POGZ: variants seen among roughly 807,000 people sequenced by gnomAD.
POGZ encodes the protein pogo transposable element derived with ZNF domain, also known as pogo transposable element with ZNF domain.
A neutral mutation model predicts 134.6 loss-of-function variants in POGZ; 17 were observed. The ratio of observed to expected loss-of-function variants is 0.13; its 90% CI spans 0.09 to 0.19. The LOEUF (loss-of-function observed/expected upper bound fraction) is 0.19. POGZ is among the 10% of genes least tolerant of loss of function. The pLI is 1.00. For missense variants in POGZ, 1,306 were observed against 1,769.7 expected (o/e 0.74, Z 4.70); for synonymous variants, 693 against 657.1 (o/e 1.05, Z -0.84).
intron 3 of POGZ, among the ~76,000 whole-genome samples, chr1:151,437,382 A>C (rs1013303591): frequency 6.6e-6 from 1 of 152,218 alleles, no homozygotes; most frequent in Middle Eastern, 3.4e-3. Flanking sequence ...TGAGACCACA[A>C]ATTTTTTTTT....
rs1657292033 is a variant in POGZ at position 151,423,537 on chromosome 1, A to G, written c.1538T>C (p.Met513Thr). Residue 513 changes from methionine to threonine, a missense_variant, in exon 10 of 19, where the codon ATG (methionine) becomes ACG (threonine). Physicochemically the swap from Met to Thr is moderately conservative, Grantham distance 81. Transcript: ENST00000271715. ...CTGATCGAGTTCTACGTGGTGTTTC[A>G]TATGGTTCATGAATCTGTAATAAAG... is the stretch of plus-strand genomic sequence containing the variant. ...LKNNIRFMNH[M>T]KHHVELDQQN... 1 of 1,613,212 alleles carries G rather than the reference A, an allele frequency of 6.2e-7. No homozygotes were observed. The highest frequency in any genetic ancestry group is 1.3e-5 in the African/African-American group (1 of 75,028).
chr1:151,415,373 T>C (rs77192160), intron 10 of POGZ, among the ~76,000 whole-genome samples: 2,723 of 152,140 alleles, frequency 0.018, 80 homozygotes, highest in African/African-American at 0.062. Context: ...GTTATAATAT[T>C]TGAAGAAATG....
At chr1:151,411,191 C>G (rs1477619192) in intron 12 of POGZ, among the ~76,000 whole-genome samples, 1 of 152,204 alleles carries the variant, frequency 6.6e-6, no homozygotes, top group Non-Finnish European at 1.5e-5. Context: ...TAACTTCCAA[C>G]CCCTCTGTCT....
chr1:151,411,166 T>C (rs1654598311), intron 12 of POGZ, among the ~76,000 whole-genome samples: 2 of 152,124 alleles, frequency 1.3e-5, no homozygotes, highest in African/African-American at 4.8e-5. Flanking sequence ...AGATCCTCCA[T>C]GATCTGTCCC....
chr1:151,437,523 G>A (rs1659825182), intron 3 of POGZ, among the ~76,000 whole-genome samples: 1 of 152,042 alleles, frequency 6.6e-6, no homozygotes, highest in Non-Finnish European at 1.5e-5. Context: ...AAGCCGTGGT[G>A]GGTGGATCAC....
rs187546892 is a variant in POGZ at position 151,406,320 on chromosome 1, G to C, written c.2715C>G (p.Ala905=). The change falls in exon 19 of 19, where the codon GCC becomes GCG. Residue 905 remains alanine, a synonymous_variant. Transcript: ENST00000271715. ...TTGAGGCTGGTGATGGGAGTGCTGG[G>C]GCTAAGGGAGTTAGTAGCTCTTCAG... is the stretch of plus-strand genomic sequence containing the variant. ...AEPEELLTPL[A]PALPSPASTA... is the part of the protein sequence containing the mutation. The C allele has an allele frequency of 1.9e-5, 30 of 1,609,236 alleles. No homozygotes were observed. Among genetic ancestry groups the C allele is most frequent in the Non-Finnish European group, 8.5e-7 (1 of 1,177,498 alleles).
chr1:151,423,578 C>T (rs1657301608), intron 9 of POGZ, 27 bp from the exon 10 acceptor site: 1 of 1,563,238 alleles, frequency 6.4e-7, no homozygotes, highest in Non-Finnish European at 8.7e-7. Flanking sequence ...AGAGAAAGTA[C>T]AGAAAACATA....
chr1:151,412,239 C>A, intron 11 of POGZ, 57 bp downstream of exon 11: 2 of 896,506 alleles, frequency 2.2e-6, no homozygotes, highest in South Asian at 2.8e-5. Context: ...TTAGTAAATT[C>A]TTTGTATTCT....
At chr1:151,418,212 T>C (rs1656131128) in intron 10 of POGZ, among the ~76,000 whole-genome samples, 1 of 149,366 alleles carries the variant, frequency 6.7e-6, no homozygotes, top group Admixed American at 6.6e-5. Flanking sequence ...CAAGACTCCT[T>C]CTCAAAAAAA....
At chr1:151,430,496 C>T (rs751297175) in intron 4 of POGZ, among the ~76,000 whole-genome samples, 170 bp downstream of exon 4, 2 of 152,230 alleles carry the variant, frequency 1.3e-5, no homozygotes, top group Admixed American at 6.5e-5. Flanking sequence ...CCATACTATG[C>T]TGGGCTTTCC....
intron 1 of POGZ, among the ~76,000 whole-genome samples, chr1:151,452,420 G>T (rs1398090569): frequency 6.6e-6 from 1 of 151,476 alleles, no homozygotes; most frequent in Non-Finnish European, 1.5e-5. Context: ...GCACAATCAC[G>T]GCTTATTGCA....
chr1:151,403,453 G>A lies in POGZ; in HGVS notation c.*1349C>T, dbSNP rs1432670582. Reference sequence around the variant, plus strand: ...CAGTTTGCCTCCTTGGCTCACAGGAGGGGAACATTGTGGAAAGCCTCAGGA... The same window carrying A: ...CAGTTTGCCTCCTTGGCTCACAGGAAGGGAACATTGTGGAAAGCCTCAGGA... On this transcript the variant is annotated 3_prime_UTR_variant, in exon 19 of 19. Coordinates refer to ENST00000271715, the MANE Select transcript of POGZ (RefSeq NM_015100.4). 1.0e-6 allele frequency: 1 copy of A among 985,682 alleles called. No homozygotes were observed. Among genetic ancestry groups the A allele is most frequent in the South Asian group, 4.7e-5 (1 of 21,296 alleles). The allele number at this position is 985,682 out of a possible 1,614,324, so 61.1% of individuals were successfully genotyped here. A position where few individuals can be genotyped will look rare whatever the true frequency, so the allele number is the denominator to read the frequency against.
chr1:151,423,225 G>C (rs1221639072), intron 10 of POGZ, among the ~76,000 whole-genome samples, 172 bp downstream of exon 10: 1 of 151,848 alleles, frequency 6.6e-6, no homozygotes, highest in Non-Finnish European at 1.5e-5. Flanking sequence ...TAAAAGTCAG[G>C]CTTGTAAAAA....
At chr1:151,427,480 T>G (rs950754776) in intron 7 of POGZ, 3 of 289,936 alleles carry the variant, frequency 1.0e-5, no homozygotes, top group Non-Finnish European at 1.3e-5. Context: ...AAAACCCTCA[T>G]GCTCATCATT....
chr1:151,405,182 G>C lies in POGZ; in HGVS notation c.3853C>G (p.Arg1285Gly). 3 of 1,614,152 alleles carry C rather than the reference G, an allele frequency of 1.9e-6. No individual in the cohort carries two copies. Among genetic ancestry groups the C allele is most frequent in the African/African-American group, 1.3e-5 (1 of 75,034 alleles). Residue 1285 changes from arginine to glycine, a missense_variant, in exon 19 of 19, where the codon CGG becomes GGG. Physicochemically the swap from Arg to Gly is moderately radical, Grantham distance 125. Transcript: ENST00000271715. The surrounding 1 kb of genome is among the most constrained non-coding windows in gnomAD (Gnocchi z 4.9). The part of the protein sequence containing the change: ...FLHKKWKEQA[R>G]EMADTACDSD... ...TCACATGCAGTATCTGCCATTTCCC[G>C]AGCCTGTTCCTTCCATTTTTTATGC...
intron 15 of POGZ, 53 bp downstream of exon 15, chr1:151,408,043 AGAAG>A (rs2102163854): frequency 1.2e-5 from 16 of 1,356,398 alleles, no homozygotes; most frequent in South Asian, 5.4e-5. Context: ...AAGAAGAAGA[AGAAG>A]AAAAAAAGAA....
chr1:151,444,612 T>G (rs1261039164), intron 1 of POGZ, among the ~76,000 whole-genome samples: 2 of 152,182 alleles, frequency 1.3e-5, no homozygotes, highest in Non-Finnish European at 2.9e-5. Context: ...AACTTTGATT[T>G]GGAATATGAA....
intron 1 of POGZ, among the ~76,000 whole-genome samples, chr1:151,454,120 G>C (rs949821794): frequency 6.6e-6 from 1 of 152,006 alleles, no homozygotes; most frequent in Admixed American, 6.6e-5. Context: ...TGAAGAATTT[G>C]GTATCTAACG....
At position 151,403,240 on chromosome 1, in the gene POGZ, G is replaced by GA. The variant is rs1653025764; in HGVS notation, c.*1561dup. 1 of 985,654 alleles carries GA rather than the reference G, an allele frequency of 1.0e-6. No individual in the cohort carries two copies. The highest frequency in any genetic ancestry group is 6.2e-5 in the Admixed American group (1 of 16,252). 61.1% of individuals were successfully genotyped at this position (985,654 alleles called of 1,614,324 possible). On this transcript the variant is annotated 3_prime_UTR_variant, in exon 19 of 19. Coordinates refer to ENST00000271715, the MANE Select transcript of POGZ (RefSeq NM_015100.4). ...AACAAAAAAGCAGGGTGGGGTGGGA[G>GA]AAATGGGTGGTAACAAATGTCACAC...
Sources: gnomAD v4.1 joint callset for allele counts (sites outside exome capture counted in the v4.1 genomes callset) on GRCh38, gnomAD v4.1.1 for gene constraint, Gnocchi (gnomAD v3.1) non-coding constraint, MANE v1.5 for transcripts, NCBI Gene and HGNC (gene_info 2026-07-23, HGNC 2026-07-21) for gene names.